The following CNTNAP2 variants were observed in gnomAD, a reference collection of about 807,000 sequenced individuals.
CNTNAP2 encodes contactin associated protein 2.
In CNTNAP2, 98 loss-of-function variants were observed where a neutral mutation model predicts 155.2. That is an observed-to-expected ratio of 0.63 (90% CI 0.54 to 0.75). The LOEUF is 0.75. Ranked by LOEUF, CNTNAP2 falls within the 30% of genes least tolerant of loss-of-function variation. CNTNAP2 has a pLI of 0.00. For missense variants in CNTNAP2, 1,727 were observed against 1,688.1 expected, an observed-to-expected ratio of 1.02 and a Z score of -0.40; for synonymous variants, 651 against 631.2, an observed-to-expected ratio of 1.03 and a Z score of -0.47.
chr7:147,154,533 C>T (rs968584088), intron 8 of CNTNAP2, among the ~76,000 whole-genome samples: 5 of 152,166 alleles, frequency 3.3e-5, no homozygotes, highest in Non-Finnish European at 7.4e-5. Context: ...TACTTGCTGA[C>T]TTTTAAATCA....
intron 3 of CNTNAP2, among the ~76,000 whole-genome samples, chr7:147,011,094 GT>G (rs1385683805): frequency 1.3e-5 from 2 of 151,832 alleles, no homozygotes; most frequent in African/African-American, 4.8e-5. Flanking sequence ...TTGATGCATT[GT>G]CAATGGGAGA....
In CNTNAP2 at chr7:148,420,551, C is replaced by G. The variant is rs1247369819; in HGVS notation, c.*4935C>G. 4 of 152,152 alleles carry G rather than the reference C, an allele frequency of 2.6e-5. No individual in the cohort carries two copies. The highest frequency in any genetic ancestry group is 5.9e-5 in the Non-Finnish European group (4 of 68,032). The allele number at this position is 152,152 out of a possible 1,614,324, so 9.4% of individuals were successfully genotyped here. On this transcript the variant is annotated 3_prime_UTR_variant, in exon 24 of 24. Coordinates refer to ENST00000361727, the MANE Select transcript of CNTNAP2 (RefSeq NM_014141.6). ...AGCACGCATTTACAAGTTTATTTTC[C>G]AGATAAAATTGTGCTATAAGAACAG...
chr7:147,214,594 T>A (rs1264930327), intron 8 of CNTNAP2, among the ~76,000 whole-genome samples: 1 of 152,160 alleles, frequency 6.6e-6, no homozygotes, highest in African/African-American at 2.4e-5. Context: ...AGATATTTTG[T>A]GATTGGGATC....
chr7:147,026,167 T>C (rs1033705376), intron 3 of CNTNAP2, among the ~76,000 whole-genome samples: 5 of 152,156 alleles, frequency 3.3e-5, no homozygotes, highest in Non-Finnish European at 7.3e-5. Flanking sequence ...TTTTATGGAT[T>C]TCAAAATATA....
At chr7:147,386,462 A>G (rs12536336) in intron 9 of CNTNAP2, among the ~76,000 whole-genome samples, 27,471 of 152,074 alleles carry the variant, frequency 0.18, 2,854 homozygotes, top group East Asian at 0.35. Context: ...CTGCTTAGAA[A>G]TTGCTTCTGC....
chr7:147,609,405 C>T (rs1381463892), intron 12 of CNTNAP2, among the ~76,000 whole-genome samples: 4 of 152,056 alleles, frequency 2.6e-5, no homozygotes, highest in Admixed American at 2.6e-4. Context: ...GTGGCGGGTG[C>T]CTGTAGTCCC....
intron 3 of CNTNAP2, among the ~76,000 whole-genome samples, chr7:147,001,394 C>T (rs549388867): frequency 4.6e-5 from 7 of 151,920 alleles, no homozygotes; most frequent in African/African-American, 7.2e-5. Context: ...AAAACAGACA[C>T]GCATCTTTTA....
intron 1 of CNTNAP2, among the ~76,000 whole-genome samples, chr7:146,464,115 C>CA (rs1043057228): frequency 1.4e-5 from 2 of 147,938 alleles, no homozygotes; most frequent in African/African-American, 4.9e-5. Flanking sequence ...TTTTTGACCA[C>CA]AAAAAACAGT....
chr7:147,214,964 C>T (rs1428444346), intron 8 of CNTNAP2, among the ~76,000 whole-genome samples: 5 of 151,982 alleles, frequency 3.3e-5, no homozygotes, highest in East Asian at 3.9e-4. Flanking sequence ...ACAGAGAGAG[C>T]GAGCAAAGAA....
At chr7:146,669,696 G>A (rs1175740056) in intron 1 of CNTNAP2, among the ~76,000 whole-genome samples, 1 of 152,066 alleles carries the variant, frequency 6.6e-6, no homozygotes, top group Admixed American at 6.6e-5. Context: ...TGTAATTCTG[G>A]GGCAGCAATA....
intron 3 of CNTNAP2, among the ~76,000 whole-genome samples, chr7:146,913,712 C>T (rs1300152972): frequency 6.6e-6 from 1 of 152,026 alleles, no homozygotes; most frequent in Non-Finnish European, 1.5e-5. Flanking sequence ...CAAAGCCCCT[C>T]TCCTAATGGC....
intron 1 of CNTNAP2, among the ~76,000 whole-genome samples, chr7:146,135,758 A>G (rs1797788254): frequency 6.6e-6 from 1 of 152,144 alleles, no homozygotes; most frequent in African/African-American, 2.4e-5. Context: ...GAATCACTGT[A>G]TAATAACAAA....
At chr7:146,701,115 GAAAA>G (rs973721894) in intron 1 of CNTNAP2, among the ~76,000 whole-genome samples, 1 of 151,966 alleles carries the variant, frequency 6.6e-6, no homozygotes, top group African/African-American at 2.4e-5. Flanking sequence ...TCCTTTAGTA[GAAAA>G]AATAAATAAA....
At chr7:146,483,326 T>A (rs190470049) in intron 1 of CNTNAP2, among the ~76,000 whole-genome samples, 1 of 79,256 alleles carries the variant, frequency 1.3e-5, no homozygotes. Flanking sequence ...TATATATATA[T>A]ATACATATAT....
chr7:146,765,315 G>A (rs1802175723), intron 1 of CNTNAP2, among the ~76,000 whole-genome samples: 2 of 152,088 alleles, frequency 1.3e-5, no homozygotes, highest in Non-Finnish European at 2.9e-5. Context: ...TTCTTATGTG[G>A]GATACAGTGA....
At chr7:148,148,898 A>G (rs564901265) in intron 17 of CNTNAP2, among the ~76,000 whole-genome samples, 177 of 152,360 alleles carry the variant, frequency 1.2e-3, no homozygotes, top group African/African-American at 3.9e-3. Context: ...TTTCCTAATT[A>G]CAACTGGAAA....
intron 8 of CNTNAP2, among the ~76,000 whole-genome samples, chr7:147,144,943 A>G (rs1563092537): frequency 6.6e-6 from 1 of 152,164 alleles, no homozygotes; most frequent in Non-Finnish European, 1.5e-5. Flanking sequence ...GAAGTAAAAA[A>G]CGTTAAAATT....
At chr7:146,507,832 G>A (rs1797407447) in intron 1 of CNTNAP2, among the ~76,000 whole-genome samples, 1 of 152,062 alleles carries the variant, frequency 6.6e-6, no homozygotes, top group Admixed American at 6.5e-5. Flanking sequence ...ACATATGGTG[G>A]GTTTATGCAC....
At chr7:148,284,848 G>C (rs1452393693) in intron 21 of CNTNAP2, among the ~76,000 whole-genome samples, 1 of 152,148 alleles carries the variant, frequency 6.6e-6, no homozygotes, top group Non-Finnish European at 1.5e-5. Context: ...ATGCTCTGAA[G>C]AACAAAACAG....
Sources: allele counts gnomAD v4.1 joint callset (sites outside exome capture counted in the v4.1 genomes callset), GRCh38; gene constraint gnomAD v4.1.1; transcripts MANE v1.5; gene names NCBI Gene and HGNC (gene_info 2026-07-23, HGNC 2026-07-21).